The following TENM4 variants were observed in gnomAD, a reference collection of about 807,000 sequenced individuals.
TENM4 encodes the protein teneurin transmembrane protein 4.
In TENM4, 82 loss-of-function variants were observed where a neutral mutation model predicts 243.3. The ratio of observed to expected loss-of-function variants is 0.34; its 90% CI spans 0.28 to 0.40. The LOEUF (loss-of-function observed/expected upper bound fraction) is 0.40, where lower values mean the gene tolerates loss of function less well. TENM4 is among the 10% of genes least tolerant of loss of function. The probability of loss-of-function intolerance (pLI) is 1.00; values close to 1 mark genes in which losing one functional copy is unlikely to be tolerated. For synonymous variants in TENM4, 1,412 were observed against 1,456.3 expected (o/e 0.97, Z 0.69); for missense variants, 3,138 against 3,673.3 (o/e 0.85, Z 3.77).
chr11:78,724,781 T>C (rs1396454268), intron 23 of TENM4, among the ~76,000 whole-genome samples: 1 of 152,256 alleles, frequency 6.6e-6, no homozygotes, highest in Non-Finnish European at 1.5e-5. Context: ...AAAAGTGATA[T>C]GGGCAGCTTC....
chr11:79,022,720 T>G (rs1858965655), intron 6 of TENM4, among the ~76,000 whole-genome samples: 1 of 152,184 alleles, frequency 6.6e-6, no homozygotes, highest in African/African-American at 2.4e-5. Context: ...ATGAAGATGA[T>G]GAAGACAATG....
At chr11:79,261,409 G>A (rs1855794612) in intron 2 of TENM4, among the ~76,000 whole-genome samples, 1 of 152,206 alleles carries the variant, frequency 6.6e-6, no homozygotes, top group Non-Finnish European at 1.5e-5. Context: ...TGCTAGGCCT[G>A]TTCCTGTGAA....
chr11:79,027,597 T>C (rs893717001), intron 6 of TENM4, among the ~76,000 whole-genome samples: 5 of 152,226 alleles, frequency 3.3e-5, no homozygotes, highest in African/African-American at 9.6e-5. Context: ...GATTTGTGCA[T>C]TGGTGCAAAT....
chr11:79,158,167 G>A (rs964482829), intron 3 of TENM4, among the ~76,000 whole-genome samples: 1 of 152,058 alleles, frequency 6.6e-6, no homozygotes, highest in Non-Finnish European at 1.5e-5. Context: ...GATTTGCTGG[G>A]GAATGTGCAT....
At chr11:79,392,369 A>T (rs563944966) in intron 1 of TENM4, among the ~76,000 whole-genome samples, 1 of 152,312 alleles carries the variant, frequency 6.6e-6, no homozygotes, top group Middle Eastern at 3.4e-3. Context: ...TAATTAGGAG[A>T]TACGCACGTT....
At chr11:79,013,566 A>G (rs1858702562) in intron 6 of TENM4, among the ~76,000 whole-genome samples, 1 of 152,138 alleles carries the variant, frequency 6.6e-6, no homozygotes, top group South Asian at 2.1e-4. Flanking sequence ...AGTGACTGGA[A>G]TCTCACACTT....
intron 28 of TENM4, among the ~76,000 whole-genome samples, chr11:78,697,476 C>A (rs1283848312): frequency 6.6e-6 from 1 of 152,198 alleles, no homozygotes; most frequent in Non-Finnish European, 1.5e-5. Context: ...AACCAGAGGC[C>A]AAATCTCTTC....
intron 4 of TENM4, among the ~76,000 whole-genome samples, chr11:79,115,233 G>T (rs904632764): frequency 6.6e-6 from 1 of 152,110 alleles, no homozygotes; most frequent in African/African-American, 2.4e-5. Context: ...ACACGGTGGG[G>T]TTTGCCATGC....
At chr11:78,843,317 C>T (rs1858306049) in intron 12 of TENM4, among the ~76,000 whole-genome samples, 1 of 151,660 alleles carries the variant, frequency 6.6e-6, no homozygotes, top group African/African-American at 2.4e-5. Context: ...CCTACTTCTA[C>T]AAAAAATAAT....
At chr11:79,242,601 A>G (rs1303093180) in intron 2 of TENM4, among the ~76,000 whole-genome samples, 2 of 152,192 alleles carry the variant, frequency 1.3e-5, no homozygotes, top group East Asian at 3.9e-4. Flanking sequence ...GCATTTCCCC[A>G]TGTCATTAAA....
At chr11:78,935,407 C>A (rs907330440) in intron 6 of TENM4, among the ~76,000 whole-genome samples, 2 of 152,158 alleles carry the variant, frequency 1.3e-5, no homozygotes, top group African/African-American at 4.8e-5. Flanking sequence ...ACCTTTTATT[C>A]CTTGTACTCC....
intron 21 of TENM4, among the ~76,000 whole-genome samples, chr11:78,730,548 A>T (rs750194704): frequency 6.6e-6 from 1 of 152,192 alleles, no homozygotes; most frequent in Non-Finnish European, 1.5e-5. Flanking sequence ...GGGAACGCTC[A>T]GGTCACTTAG....
chr11:78,770,926 C>A, intron 18 of TENM4, 66 bp downstream of exon 18: 1 of 1,538,080 alleles, frequency 6.5e-7, no homozygotes, highest in Non-Finnish European at 8.8e-7. Flanking sequence ...TCAGTAATAT[C>A]CATTCTCCAC....
chr11:78,815,325 G>A (rs910024570), intron 12 of TENM4, among the ~76,000 whole-genome samples: 2 of 152,082 alleles, frequency 1.3e-5, no homozygotes, highest in African/African-American at 4.8e-5. Flanking sequence ...GGCGGAAGGT[G>A]CAGTGAGCCG....
rs931866522 is a variant in TENM4 at position 78,786,841 on chromosome 11, C to G, written c.2365+57G>C. ...CCAGGCTGGCCCTGAAATGCCCCAA[C>G]AGACAAAGATGTCCTGCAGACCAGA... On this transcript the variant is annotated intron_variant, in intron 16 of 33. Coordinates refer to ENST00000278550, the MANE Select transcript of TENM4 (RefSeq NM_001098816.3). 9 of 1,558,500 alleles carry G rather than the reference C, an allele frequency of 5.8e-6. No homozygotes were observed. The East Asian group carries it at 2.1e-4, about 37-fold the overall frequency.
chr11:79,033,314 A>G (rs1859293175), intron 6 of TENM4, among the ~76,000 whole-genome samples: 3 of 152,154 alleles, frequency 2.0e-5, no homozygotes, highest in Admixed American at 2.0e-4. Context: ...CCTAGGGGAA[A>G]ATGTGCACAC....
intron 28 of TENM4, among the ~76,000 whole-genome samples, chr11:78,691,983 G>A (rs558772956): frequency 2.6e-5 from 4 of 152,202 alleles, no homozygotes; most frequent in South Asian, 2.1e-4. Context: ...TCTGGGCCCC[G>A]CACACCTTTG....
chr11:78,705,042 C>G (rs967554819), intron 27 of TENM4, among the ~76,000 whole-genome samples: 3 of 152,236 alleles, frequency 2.0e-5, no homozygotes. Flanking sequence ...GCTTCACACT[C>G]CCCTCGCTCT....
At chr11:79,240,133 C>G (rs1590818679) in intron 2 of TENM4, among the ~76,000 whole-genome samples, 3 of 152,200 alleles carry the variant, frequency 2.0e-5, no homozygotes, top group South Asian at 4.2e-4. Context: ...CTGTGACTGG[C>G]TTTAGCTTAG....
Sources: allele counts gnomAD v4.1 joint callset (sites outside exome capture counted in the v4.1 genomes callset), GRCh38; gene constraint gnomAD v4.1.1; transcripts MANE v1.5; gene names NCBI Gene and HGNC (gene_info 2026-07-23, HGNC 2026-07-21).